Variants in TAPT1 observed in about 807,000 individuals in gnomAD.
TAPT1 encodes the protein transmembrane anterior posterior transformation protein 1 homolog.
A neutral mutation model predicts 65.6 loss-of-function variants in TAPT1; 28 were observed. The ratio of observed to expected loss-of-function variants is 0.43; its 90% CI spans 0.32 to 0.59. The LOEUF is 0.59. TAPT1 is among the 20% of genes least tolerant of loss of function. The pLI, the probability that TAPT1 is intolerant of heterozygous loss-of-function variation, is 0.09. For synonymous variants in TAPT1, 278 were observed against 245.2 expected (o/e 1.13, Z -1.25); for missense variants, 563 against 679.9 (o/e 0.83, Z 1.91).
intron 12 of TAPT1, among the ~76,000 whole-genome samples, chr4:16,167,337 G>A (rs988528724): frequency 2.0e-5 from 3 of 151,772 alleles, no homozygotes; most frequent in Admixed American, 6.6e-5. Context: ...AATTTTTCCT[G>A]GTATTAAATA....
intron 1 of TAPT1, among the ~76,000 whole-genome samples, chr4:16,219,734 T>C (rs1056701978): frequency 6.6e-6 from 1 of 152,194 alleles, no homozygotes. Flanking sequence ...GCAACAATCA[T>C]GAGAGTTAAA....
At position 16,160,608 on chromosome 4, in the gene TAPT1, A is replaced by T. The variant is rs1747202979; in HGVS notation, c.*2700T>A. ...GACATTATTTCATCGACTTGTTCCT[A>T]TCAGTCTTCCACAGACGAACAGGGA... is the stretch of plus-strand genomic sequence containing the variant. On this transcript the variant is annotated 3_prime_UTR_variant, in exon 14 of 14. Transcript: ENST00000405303. The T allele has an allele frequency of 6.6e-6, 1 of 152,220 alleles. No individual in the cohort carries two copies. The highest frequency in any genetic ancestry group is 1.5e-5 in the Non-Finnish European group (1 of 68,046). The allele number at this position is 152,220 out of a possible 1,614,324, so 9.4% of individuals were successfully genotyped here. A position where few individuals can be genotyped will look rare whatever the true frequency, so the allele number is the denominator to read the frequency against.
rs563602419 is a variant in TAPT1 at position 16,162,914 on chromosome 4, G to A, written c.*394C>T. 2.7e-4 allele frequency: 116 copies of A among 430,778 alleles called. 1 individual carries two copies. The highest frequency in any genetic ancestry group is 1.6e-3 in the South Asian group (102 of 62,438). The allele number at this position is 430,778 out of a possible 1,614,324, so 26.7% of individuals were successfully genotyped here. ...AGTATGAGACTGGAAAGATTACGTC[G>A]TGGTAAAAGTTTCACAGTTTTCCAG... On this transcript the variant is annotated 3_prime_UTR_variant, in exon 14 of 14. Coordinates refer to ENST00000405303, the MANE Select transcript of TAPT1 (RefSeq NM_153365.3).
At chr4:16,226,185 C>A in intron 1 of TAPT1, 74 bp downstream of exon 1, 1 of 1,075,222 alleles carries the variant, frequency 9.3e-7, no homozygotes, top group South Asian at 4.5e-5. Flanking sequence ...GCCGGGGTTC[C>A]AAGGCGCCCC....
intron 7 of TAPT1, among the ~76,000 whole-genome samples, chr4:16,180,322 A>T (rs1056871780): frequency 6.6e-6 from 1 of 152,180 alleles, no homozygotes; most frequent in Admixed American, 6.6e-5. Flanking sequence ...TCACTTTTTA[A>T]GCTGTTAACT....
At chr4:16,188,832 A>G (rs1749180119) in intron 4 of TAPT1, among the ~76,000 whole-genome samples, 1 of 151,896 alleles carries the variant, frequency 6.6e-6, no homozygotes, top group Non-Finnish European at 1.5e-5. Context: ...AGGCAGGAGA[A>G]TGACGTGAAC....
Position 16,185,727 on chromosome 4 carries a change from C to T in TAPT1, c.916+808G>A, listed in dbSNP as rs147728696. On this transcript the variant is annotated intron_variant, in intron 7 of 13. Transcript: ENST00000405303. ...TCTCAGGACCAAAAAGTCTGACAAGCGCTGCTTTGGATGAGCCATGTGTGC... is the reference window on the plus strand; with the variant it reads ...TCTCAGGACCAAAAAGTCTGACAAGTGCTGCTTTGGATGAGCCATGTGTGC... Among the ~76,000 whole-genome samples the T allele has an allele frequency of 1.3e-3, 201 of 152,182 alleles. 2 individuals are homozygous for T. The highest frequency in any genetic ancestry group is 1.6e-3 in the Non-Finnish European group (111 of 68,000).
intron 9 of TAPT1, among the ~76,000 whole-genome samples, chr4:16,175,689 T>A (rs1214772921): frequency 2.0e-5 from 3 of 152,142 alleles, no homozygotes. Flanking sequence ...ACCAGAAAAA[T>A]GTAGGCTCTC....
At chr4:16,225,992 T>C (rs1751526960) in intron 1 of TAPT1, 3 of 997,988 alleles carry the variant, frequency 3.0e-6, no homozygotes, top group Non-Finnish European at 3.6e-6. Context: ...CGGACAGAAC[T>C]TTCCCGGCCG....
chr4:16,225,227 T>C (rs2108906038), intron 1 of TAPT1, among the ~76,000 whole-genome samples: 1 of 152,330 alleles, frequency 6.6e-6, no homozygotes, highest in South Asian at 2.1e-4. Flanking sequence ...AATCAGCAAA[T>C]CAATTAGAAT....
chr4:16,193,870 C>T (rs1055128143), intron 3 of TAPT1, among the ~76,000 whole-genome samples: 5 of 152,022 alleles, frequency 3.3e-5, no homozygotes, highest in Non-Finnish European at 4.4e-5. Context: ...GAAAATGATA[C>T]GAGCTAAAAG....
At chr4:16,169,669 AC>A (rs778248018) in intron 12 of TAPT1, among the ~76,000 whole-genome samples, 4 of 152,250 alleles carry the variant, frequency 2.6e-5, no homozygotes, top group South Asian at 2.1e-4. Context: ...TGAGCCCGCT[AC>A]TGCAGGAGCT....
intron 9 of TAPT1, among the ~76,000 whole-genome samples, chr4:16,175,661 C>T (rs986178830): frequency 1.3e-5 from 2 of 152,122 alleles, no homozygotes; most frequent in Non-Finnish European, 2.9e-5. Flanking sequence ...ACAAATTTCT[C>T]AAAGTTTAAA....
intron 4 of TAPT1, 111 bp from the exon 5 acceptor site, chr4:16,188,466 A>C: frequency 1.2e-6 from 1 of 840,456 alleles, no homozygotes; most frequent in South Asian, 2.5e-5. Flanking sequence ...TCCTAGTAGA[A>C]GGCAAGCTAA....
At chr4:16,212,860 C>A (rs1432690140) in intron 2 of TAPT1, among the ~76,000 whole-genome samples, 1 of 152,162 alleles carries the variant, frequency 6.6e-6, no homozygotes. Context: ...CTACATTTCG[C>A]TCTTTTTCTT....
intron 11 of TAPT1, among the ~76,000 whole-genome samples, chr4:16,173,783 A>G (rs1009503302): frequency 6.6e-6 from 1 of 152,214 alleles, no homozygotes; most frequent in South Asian, 2.1e-4. Context: ...TCCTTAGGAT[A>G]ATTCCTAGAA....
chr4:16,167,555 G>A (rs1747722690), intron 12 of TAPT1, among the ~76,000 whole-genome samples: 2 of 152,102 alleles, frequency 1.3e-5, no homozygotes, highest in African/African-American at 2.4e-5. Context: ...GGCAGTAGGC[G>A]AGTGGAGTCA....
At chr4:16,209,781 T>A (rs182598871) in intron 2 of TAPT1, among the ~76,000 whole-genome samples, 1 of 152,244 alleles carries the variant, frequency 6.6e-6, no homozygotes, top group Non-Finnish European at 1.5e-5. Context: ...GGCTGTTGAA[T>A]GGATTGAACG....
chr4:16,193,621 T>C (rs1006188341), intron 3 of TAPT1, among the ~76,000 whole-genome samples: 3 of 152,198 alleles, frequency 2.0e-5, no homozygotes, highest in African/African-American at 4.8e-5. Flanking sequence ...CTGCCAAGAA[T>C]TGGATCTTGA....
Sources: gnomAD v4.1 joint callset for allele counts (sites outside exome capture counted in the v4.1 genomes callset) on GRCh38, gnomAD v4.1.1 for gene constraint, MANE v1.5 for transcripts, NCBI Gene and HGNC (gene_info 2026-07-23, HGNC 2026-07-21) for gene names.